Variants in NRG3 observed in about 807,000 individuals in gnomAD.
NRG3 encodes neuregulin 3, also known as pro-neuregulin-3, membrane-bound isoform.
NRG3 carries 31 observed loss-of-function variants against 66.9 expected under a neutral mutation model. That is an observed-to-expected ratio of 0.46 (90% confidence interval 0.35 to 0.63). The LOEUF is 0.63. Among genes scored for constraint, NRG3 ranks in the 20% least tolerant of loss-of-function variants. NRG3 has a pLI of 0.00. For missense variants in NRG3, 910 were observed against 878.9 expected, an observed-to-expected ratio of 1.04 and a Z score of -0.45; for synonymous variants, 393 against 359.4, an observed-to-expected ratio of 1.09 and a Z score of -1.06.
intron 2 of NRG3, among the ~76,000 whole-genome samples, chr10:82,373,663 C>T (rs2085035251): frequency 6.6e-6 from 1 of 152,100 alleles, no homozygotes; most frequent in Non-Finnish European, 1.5e-5. Context: ...AAAGCATTGG[C>T]AGAAAAGATG....
chr10:82,141,003 A>ATATGTT (rs1420628788), intron 1 of NRG3, among the ~76,000 whole-genome samples: 18 of 152,166 alleles, frequency 1.2e-4, no homozygotes, highest in Non-Finnish European at 1.8e-4. Context: ...ATATTCATAT[A>ATATGTT]TATGTTTATG....
At chr10:82,304,946 C>CTTCTGG (rs2080629045) in intron 1 of NRG3, among the ~76,000 whole-genome samples, 1 of 132,970 alleles carries the variant, frequency 7.5e-6, no homozygotes, top group Non-Finnish European at 1.6e-5. Context: ...AATTTCTCAT[C>CTTCTGG]TTCTGGTTTG....
intron 1 of NRG3, among the ~76,000 whole-genome samples, chr10:81,997,763 G>A (rs1160769884): frequency 6.6e-6 from 1 of 151,920 alleles, no homozygotes; most frequent in Non-Finnish European, 1.5e-5. Context: ...AAGTGCCATT[G>A]CTCTCTCCTA....
intron 3 of NRG3, among the ~76,000 whole-genome samples, chr10:82,808,035 A>G (rs1363060296): frequency 1.3e-5 from 2 of 152,086 alleles, no homozygotes; most frequent in Non-Finnish European, 2.9e-5. Flanking sequence ...GACTCCCATT[A>G]TCGTAAGGGG....
At chr10:82,785,846 G>A (rs2060337527) in intron 3 of NRG3, among the ~76,000 whole-genome samples, 1 of 152,168 alleles carries the variant, frequency 6.6e-6, no homozygotes, top group African/African-American at 2.4e-5. Context: ...AATATTAATA[G>A]TGTGACAAAG....
chr10:82,881,362 T>C (rs998978625), intron 4 of NRG3, among the ~76,000 whole-genome samples: 1 of 152,252 alleles, frequency 6.6e-6, no homozygotes, highest in Admixed American at 6.5e-5. Flanking sequence ...TTCAAGGCTA[T>C]ATTAATGAAG....
intron 2 of NRG3, among the ~76,000 whole-genome samples, chr10:82,405,116 T>C (rs1007182128): frequency 2.4e-4 from 37 of 152,084 alleles, no homozygotes; most frequent in African/African-American, 8.7e-4. Flanking sequence ...TTGAGGACAA[T>C]GAGGGTACTA....
rs76815644 is a variant in NRG3, at chr10:82,796,311, C to T, written c.1027+57661C>T. Among the ~76,000 whole-genome samples the T allele has an allele frequency of 4.4e-3, 674 of 152,196 alleles. 2 individuals are homozygous for T. Among genetic ancestry groups the T allele is most frequent in the African/African-American group, 0.016 (655 of 41,530 alleles). On this transcript the variant is annotated intron_variant, in intron 3 of 8. Coordinates refer to ENST00000372141, the MANE Select transcript of NRG3 (RefSeq NM_001010848.4). ...AATACTAAAATAAGAGTCTGAAAGC[C>T]GACTGGTACCCCAGATTGTCAATCA...
chr10:82,404,090 G>T (rs2087316417), intron 2 of NRG3, among the ~76,000 whole-genome samples: 1 of 152,096 alleles, frequency 6.6e-6, no homozygotes, highest in Admixed American at 6.6e-5. Flanking sequence ...AAGACTGTTT[G>T]CTTTCTGACA....
chr10:81,980,508 A>C (rs963491623), intron 1 of NRG3, among the ~76,000 whole-genome samples: 17 of 152,322 alleles, frequency 1.1e-4, no homozygotes, highest in Middle Eastern at 3.4e-3. Context: ...TTGAGATGCT[A>C]TATTTTAAGA....
chr10:82,949,491 A>T (rs1418371614), intron 4 of NRG3, among the ~76,000 whole-genome samples: 4 of 152,162 alleles, frequency 2.6e-5, no homozygotes, highest in Non-Finnish European at 5.9e-5. Flanking sequence ...TATTTAAAAA[A>T]TAGTGCTTGC....
intron 1 of NRG3, among the ~76,000 whole-genome samples, chr10:82,161,230 T>G (rs2071572817): frequency 6.6e-6 from 1 of 152,116 alleles, no homozygotes; most frequent in Non-Finnish European, 1.5e-5. Context: ...GTCACCGGCA[T>G]AGAGAAAGTA....
At chr10:82,898,579 A>C (rs954202524) in intron 4 of NRG3, among the ~76,000 whole-genome samples, 2 of 152,212 alleles carry the variant, frequency 1.3e-5, no homozygotes, top group African/African-American at 4.8e-5. Context: ...ACACATTTGC[A>C]TGATGCTCTT....
chr10:82,793,407 C>T (rs1195234121), intron 3 of NRG3, among the ~76,000 whole-genome samples: 1 of 152,098 alleles, frequency 6.6e-6, no homozygotes, highest in African/African-American at 2.4e-5. Flanking sequence ...GATATGGTCA[C>T]CCAGTCAGGA....
intron 1 of NRG3, among the ~76,000 whole-genome samples, chr10:82,226,223 CTT>C (rs1233100547): frequency 6.6e-6 from 1 of 152,132 alleles, no homozygotes; most frequent in African/African-American, 2.4e-5. Flanking sequence ...TGTGGCTCCT[CTT>C]TGAGACCAGT....
chr10:81,879,315 A>G (rs915724851), intron 1 of NRG3, among the ~76,000 whole-genome samples: 4 of 152,332 alleles, frequency 2.6e-5, no homozygotes, highest in African/African-American at 9.6e-5. Context: ...TTTTCAAGCC[A>G]AAGGGAGGAG....
chr10:82,295,614 A>G (rs1056462208), intron 1 of NRG3, among the ~76,000 whole-genome samples: 5 of 152,160 alleles, frequency 3.3e-5, no homozygotes, highest in Non-Finnish European at 7.4e-5. Context: ...TTATAGGAAA[A>G]ATAAAGAAAA....
chr10:82,085,518 G>C (rs891466609), intron 1 of NRG3, among the ~76,000 whole-genome samples: 53 of 152,204 alleles, frequency 3.5e-4, no homozygotes, highest in African/African-American at 1.2e-3. Context: ...GAAGGACAGA[G>C]GGCAAGCAAC....
At chr10:82,003,629 T>A (rs1262846139) in intron 1 of NRG3, among the ~76,000 whole-genome samples, 1 of 152,136 alleles carries the variant, frequency 6.6e-6, no homozygotes, top group Non-Finnish European at 1.5e-5. Context: ...TCGAGAAGGA[T>A]GCTTGGAATG....
Sources: gnomAD v4.1 joint callset for allele counts (sites outside exome capture counted in the v4.1 genomes callset) on GRCh38, gnomAD v4.1.1 for gene constraint, MANE v1.5 for transcripts, NCBI Gene and HGNC (gene_info 2026-07-23, HGNC 2026-07-21) for gene names.